Variants in PARD3B observed in about 807,000 individuals in gnomAD.
The protein encoded by PARD3B is partitioning defective 3 homolog B.
PARD3B carries 103 observed loss-of-function variants against 130.2 expected under a neutral mutation model. The observed-to-expected ratio is 0.79, with a 90% CI of 0.67 to 0.93. The LOEUF is 0.93. Ranked by LOEUF, PARD3B falls within the 40% of genes least tolerant of loss-of-function variation. The pLI, the probability that PARD3B is intolerant of heterozygous loss-of-function variation, is 0.00. For synonymous variants in PARD3B, 583 were observed against 553.2 expected (o/e 1.05, Z -0.76); for missense variants, 1,609 against 1,499.2 (o/e 1.07, Z -1.21).
intron 22 of PARD3B, among the ~76,000 whole-genome samples, chr2:205,560,276 GTCT>G (rs1240172360): frequency 1.3e-5 from 2 of 152,188 alleles, no homozygotes; most frequent in Non-Finnish European, 2.9e-5. Context: ...CAGGGACTGT[GTCT>G]TCTTCATCTT....
At chr2:204,928,340 G>A (rs1392098236) in intron 2 of PARD3B, among the ~76,000 whole-genome samples, 2 of 152,090 alleles carry the variant, frequency 1.3e-5, no homozygotes, top group Admixed American at 1.3e-4. Flanking sequence ...TATCACTTCT[G>A]TTGGGTAAAA....
chr2:204,721,193 A>T (rs535416191), intron 2 of PARD3B, among the ~76,000 whole-genome samples: 1 of 152,228 alleles, frequency 6.6e-6, no homozygotes, highest in African/African-American at 2.4e-5. Context: ...ATTGAGGGAG[A>T]CAATAAGTAG....
In PARD3B at chr2:205,157,186, A is replaced by G. The variant is rs541576301; in HGVS notation, c.1435-1536A>G. Among the ~76,000 whole-genome samples, 17 of 152,358 alleles carry G rather than the reference A, an allele frequency of 1.1e-4. 1 individual carries two copies. In the South Asian group the frequency reaches 3.3e-3, roughly 30 times the overall value. ...GCAAATCCCAGAGAGGCCTGGAAAC[A>G]TAAATGGTTTTGAAATGTTATGGAT... is the stretch of plus-strand genomic sequence containing the variant. On this transcript the variant is annotated intron_variant, in intron 10 of 22. Transcript: ENST00000406610.
chr2:205,137,516 T>C (rs1410413566), intron 10 of PARD3B, among the ~76,000 whole-genome samples: 1 of 152,228 alleles, frequency 6.6e-6, no homozygotes. Context: ...AATGCCCTCC[T>C]TTATAAGTTC....
At chr2:205,033,236 T>A (rs1034683863) in intron 3 of PARD3B, among the ~76,000 whole-genome samples, 4 of 152,184 alleles carry the variant, frequency 2.6e-5, no homozygotes, top group Non-Finnish European at 4.4e-5. Context: ...TAAGATTCAC[T>A]TCATGGTATT....
At chr2:204,720,489 G>T (rs1042362364) in intron 2 of PARD3B, among the ~76,000 whole-genome samples, 1 of 152,086 alleles carries the variant, frequency 6.6e-6, no homozygotes, top group Admixed American at 6.6e-5. Flanking sequence ...TCAGTCAACT[G>T]GGAAAAGTAT....
chr2:205,216,485 C>A (rs1222719515), intron 15 of PARD3B, among the ~76,000 whole-genome samples: 1 of 151,876 alleles, frequency 6.6e-6, no homozygotes, highest in Non-Finnish European at 1.5e-5. Flanking sequence ...CAAATCTTTA[C>A]CACAAATATG....
At position 205,330,341 on chromosome 2, in the gene PARD3B, A is replaced by C. The variant is rs3845805; in HGVS notation, c.2630+28640A>C. Among the ~76,000 whole-genome samples, 344 of 140,132 alleles carry C rather than the reference A, an allele frequency of 2.5e-3. 1 individual carries two copies. The highest frequency in any genetic ancestry group is 6.3e-3 in the African/African-American group (202 of 31,900). The allele number at this position is 140,132 out of a possible 152,430, so 91.9% of individuals were successfully genotyped here. Reference sequence around the variant, plus strand: ...GGGAGACAGAGCCAGACTCCACCCCAAAAAAAAAATTATTAAAATATAAAA... The same window carrying C: ...GGGAGACAGAGCCAGACTCCACCCCCAAAAAAAAATTATTAAAATATAAAA... On this transcript the variant is annotated intron_variant, in intron 18 of 22. Transcript: ENST00000406610.
At chr2:205,441,598 A>T (rs2047718035) in intron 20 of PARD3B, among the ~76,000 whole-genome samples, 1 of 152,174 alleles carries the variant, frequency 6.6e-6, no homozygotes, top group South Asian at 2.1e-4. Context: ...GGTCCTGACA[A>T]CCACCCAGTC....
intron 1 of PARD3B, among the ~76,000 whole-genome samples, chr2:204,609,306 A>G (rs2125114170): frequency 6.6e-6 from 1 of 152,312 alleles, no homozygotes; most frequent in Non-Finnish European, 1.5e-5. Flanking sequence ...AAAGTTCCAT[A>G]TGCTAAAGGA....
At chr2:205,184,804 T>A (rs1166562152) in intron 13 of PARD3B, among the ~76,000 whole-genome samples, 1 of 151,778 alleles carries the variant, frequency 6.6e-6, no homozygotes, top group Non-Finnish European at 1.5e-5. Flanking sequence ...ATAAATAAAA[T>A]TTAATTCTCA....
In PARD3B at chr2:205,172,378, G is replaced by A. The variant is rs1346090604; in HGVS notation, c.1788G>A (p.Met596Ile). 6.2e-7 allele frequency: 1 copy of A among 1,612,440 alleles called. No homozygotes were observed. Among genetic ancestry groups the A allele is most frequent in the African/African-American group, 1.3e-5 (1 of 74,960 alleles). ...TTCTGAGGAGGCCAGAGAGACCAAT[G>A]GAGGTGATGCAAATCTTGATTCTCC... ...LVILRRPERP[M>I]EDPAECGAFS... Residue 596 changes from methionine (M) to isoleucine (I), a missense_variant, in exon 12 of 23, where the codon ATG becomes ATA. Met to Ile is a conservative substitution (Grantham distance 10). Coordinates refer to ENST00000406610, the MANE Select transcript of PARD3B (RefSeq NM_001302769.2).
At chr2:205,587,471 T>A (rs1326395637) in intron 22 of PARD3B, among the ~76,000 whole-genome samples, 1 of 152,206 alleles carries the variant, frequency 6.6e-6, no homozygotes, top group South Asian at 2.1e-4. Context: ...TTCTCAATAA[T>A]AATACCGTGG....
At chr2:205,426,178 G>C (rs950963182) in intron 19 of PARD3B, among the ~76,000 whole-genome samples, 1 of 152,080 alleles carries the variant, frequency 6.6e-6, no homozygotes, top group Non-Finnish European at 1.5e-5. Flanking sequence ...AGTTAAAATA[G>C]TTTTGTTGAA....
At chr2:205,214,858 T>C (rs1418086252) in intron 15 of PARD3B, among the ~76,000 whole-genome samples, 2 of 152,050 alleles carry the variant, frequency 1.3e-5, no homozygotes, top group Non-Finnish European at 2.9e-5. Flanking sequence ...CTTTAAAAAA[T>C]AGTACTTACT....
rs926046069 is a variant in PARD3B, at chr2:205,119,000, A to G, written c.760A>G (p.Ile254Val). The change falls in exon 7 of 23, where the codon ATT (isoleucine) becomes GTT (valine). Residue 254 changes from isoleucine (I) to valine (V), a missense_variant. Coordinates refer to ENST00000406610, the MANE Select transcript of PARD3B (RefSeq NM_001302769.2). Reference protein sequence around the residue: ...REGLFHENECIVKINNVDLVD... With the variant: ...REGLFHENECVVKINNVDLVD... The stretch of plus-strand genomic sequence containing the variant: ...GGGACTATTTCACGAAAATGAATGT[A>G]TTGTAAAAATCAACAATGTGGATCT... The G allele has an allele frequency of 6.2e-6, 10 of 1,611,438 alleles. No individual in the cohort carries two copies. The African/African-American group carries it at 6.7e-5, about 11-fold the overall frequency.
chr2:205,610,090 G>T (rs1310827825), intron 22 of PARD3B, among the ~76,000 whole-genome samples: 6 of 152,138 alleles, frequency 3.9e-5, no homozygotes, highest in Non-Finnish European at 8.8e-5. Context: ...GGAAGGAAAG[G>T]GTGTTGAGTT....
intron 2 of PARD3B, among the ~76,000 whole-genome samples, chr2:204,719,283 A>G (rs1461696786): frequency 6.6e-6 from 1 of 152,180 alleles, no homozygotes; most frequent in African/African-American, 2.4e-5. Flanking sequence ...AACGGAGACT[A>G]TTTGTAGATT....
chr2:205,501,990 T>C (rs1230712749), intron 21 of PARD3B, among the ~76,000 whole-genome samples: 1 of 152,040 alleles, frequency 6.6e-6, no homozygotes, highest in Non-Finnish European at 1.5e-5. Context: ...ACAATCGGGG[T>C]CTGAGGCTTC....
Sources: gnomAD v4.1 joint callset for allele counts (sites outside exome capture counted in the v4.1 genomes callset) on GRCh38, gnomAD v4.1.1 for gene constraint, MANE v1.5 for transcripts, NCBI Gene and HGNC (gene_info 2026-07-23, HGNC 2026-07-21) for gene names.